Variants in MSRA observed in about 807,000 individuals in gnomAD.
MSRA encodes the protein mitochondrial peptide methionine sulfoxide reductase.
In MSRA, 54 loss-of-function variants were observed where a neutral mutation model predicts 31.3. The observed-to-expected ratio is 1.73, with a 90% CI of 1.39 to 2.17. MSRA has a LOEUF of 2.17. Among genes scored for constraint, MSRA ranks in the 30% most tolerant of loss-of-function variants. The probability of loss-of-function intolerance (pLI) is 0.00; values close to 1 mark genes in which losing one functional copy is unlikely to be tolerated. For missense variants in MSRA, 507 were observed against 300.9 expected (o/e 1.69, Z -5.07); for synonymous variants, 169 against 116.5 (o/e 1.45, Z -2.90).
chr8:10,421,679 G>T (rs928843942), intron 5 of MSRA, among the ~76,000 whole-genome samples: 18 of 152,268 alleles, frequency 1.2e-4, no homozygotes, highest in African/African-American at 4.1e-4. Context: ...GACCTGCTGT[G>T]CCCGGCTGGC....
At chr8:10,249,296 C>G (rs1232918283) in intron 3 of MSRA, among the ~76,000 whole-genome samples, 2 of 152,126 alleles carry the variant, frequency 1.3e-5, no homozygotes, top group African/African-American at 4.8e-5. Flanking sequence ...AGATATATAT[C>G]TCAGTCTATT....
chr8:10,055,901 T>C (rs11994045), intron 1 of MSRA, among the ~76,000 whole-genome samples: 1,537 of 152,304 alleles, frequency 0.01, 19 homozygotes, highest in African/African-American at 0.033. Context: ...GTTTCCTGGT[T>C]TCCCCATCAT....
intron 4 of MSRA, among the ~76,000 whole-genome samples, chr8:10,303,996 C>T (rs114345964): frequency 0.023 from 3,522 of 152,260 alleles, 116 homozygotes; most frequent in African/African-American, 0.068. Flanking sequence ...AGTGCAGTGG[C>T]GTGATCGCGT....
rs146990871 is a variant in MSRA at position 10,308,711 on chromosome 8, C to T, written c.436+7073C>T. Among the ~76,000 whole-genome samples the T allele has an allele frequency of 4.9e-3, 751 of 152,320 alleles. 6 individuals carry two copies. The highest frequency in any genetic ancestry group is 8.2e-3 in the Non-Finnish European group (560 of 68,026). ...ATGCTCACTGTGCTTCAGTTACTGT[C>T]GCCTTCATCTGTTCCATTCCTGGAA... On this transcript the variant is annotated intron_variant, in intron 4 of 5. Coordinates refer to ENST00000317173, the MANE Select transcript of MSRA (RefSeq NM_012331.5).
At chr8:10,404,595 G>T (rs1183575378) in intron 5 of MSRA, among the ~76,000 whole-genome samples, 1 of 152,250 alleles carries the variant, frequency 6.6e-6, no homozygotes, top group East Asian at 1.9e-4. Context: ...AGGTGCGCGG[G>T]CTCTCCATGG....
At chr8:10,323,360 G>T (rs927794961) in intron 5 of MSRA, among the ~76,000 whole-genome samples, 3 of 152,096 alleles carry the variant, frequency 2.0e-5, no homozygotes, top group African/African-American at 7.2e-5. Flanking sequence ...AGTTCTCTAG[G>T]GTACCAAGAG....
chr8:10,428,440 G>C lies in MSRA; in HGVS notation c.*128G>C. 2 of 1,012,460 alleles carry C rather than the reference G, an allele frequency of 2.0e-6. No individual in the cohort carries two copies. The highest frequency in any genetic ancestry group is 3.0e-5 in the South Asian group (2 of 66,496). 62.7% of individuals were successfully genotyped at this position (1,012,460 alleles called of 1,614,324 possible). A position where few individuals can be genotyped will look rare whatever the true frequency, so the allele number is the denominator to read the frequency against. The stretch of plus-strand genomic sequence containing the variant: ...GTACAAAGGAATTTATACAGATTGG[G>C]TTTACCGAAGTATAATCTATAGGAG... On this transcript the variant is annotated 3_prime_UTR_variant, in exon 6 of 6. Coordinates refer to ENST00000317173, the MANE Select transcript of MSRA (RefSeq NM_012331.5).
intron 1 of MSRA, among the ~76,000 whole-genome samples, chr8:10,068,465 C>A (rs1011076274): frequency 2.6e-4 from 40 of 152,192 alleles, no homozygotes; most frequent in African/African-American, 9.4e-4. Flanking sequence ...GCTATGTGAT[C>A]CATTCCAAGT....
chr8:10,250,595 C>G (rs1797863986), intron 3 of MSRA: 5 of 639,340 alleles, frequency 7.8e-6, no homozygotes, highest in Non-Finnish European at 1.4e-5. Context: ...CAACAGAATA[C>G]TCCGGTGGAT....
At chr8:10,348,172 G>C (rs538551888) in intron 5 of MSRA, among the ~76,000 whole-genome samples, 1 of 152,198 alleles carries the variant, frequency 6.6e-6, no homozygotes, top group South Asian at 2.1e-4. Flanking sequence ...TATAGACAGA[G>C]TAGCAGCATA....
chr8:10,209,897 G>A (rs6992349), intron 2 of MSRA, among the ~76,000 whole-genome samples: 51,504 of 152,186 alleles, frequency 0.34, 10,752 homozygotes, highest in African/African-American at 0.59. Context: ...AGATGATAAA[G>A]TAGAATATGT....
chr8:10,231,166 G>A (rs954626509), intron 2 of MSRA, among the ~76,000 whole-genome samples: 13 of 152,256 alleles, frequency 8.5e-5, no homozygotes, highest in African/African-American at 1.7e-4. Context: ...TGAGAAAGGC[G>A]GCAAGGAGGG....
intron 3 of MSRA, among the ~76,000 whole-genome samples, chr8:10,300,164 A>G (rs1800765727): frequency 6.6e-6 from 1 of 151,466 alleles, no homozygotes; most frequent in Non-Finnish European, 1.5e-5. Context: ...GCGTGCATGC[A>G]CACATCTGGT....
intron 1 of MSRA, among the ~76,000 whole-genome samples, chr8:10,154,514 A>G (rs890170227): frequency 1.3e-5 from 2 of 152,028 alleles, no homozygotes; most frequent in Non-Finnish European, 2.9e-5. Context: ...AGTAGCTGGT[A>G]CTACAGGCAC....
intron 1 of MSRA, among the ~76,000 whole-genome samples, chr8:10,149,560 T>C (rs1445533493): frequency 6.6e-6 from 1 of 152,120 alleles, no homozygotes; most frequent in Non-Finnish European, 1.5e-5. Context: ...AATTTCCCCT[T>C]TTTGCAGAGA....
chr8:10,303,254 A>T (rs557730775), intron 4 of MSRA, among the ~76,000 whole-genome samples: 737 of 152,334 alleles, frequency 4.8e-3, no homozygotes, highest in South Asian at 8.1e-3. Context: ...GGCCTGGCAG[A>T]ATTGTAAAGA....
chr8:10,205,098 G>C (rs1010593365), intron 1 of MSRA, among the ~76,000 whole-genome samples: 2 of 152,108 alleles, frequency 1.3e-5, no homozygotes, highest in Non-Finnish European at 2.9e-5. Flanking sequence ...TGTGGCCTGA[G>C]AGTCATGGGA....
intron 1 of MSRA, among the ~76,000 whole-genome samples, chr8:10,205,498 G>A (rs781400649): frequency 1.3e-5 from 2 of 152,114 alleles, no homozygotes; most frequent in African/African-American, 4.8e-5. Flanking sequence ...GTAGTTTTGC[G>A]GTGTTCAGAG....
At chr8:10,408,403 A>C (rs553377786) in intron 5 of MSRA, among the ~76,000 whole-genome samples, 8 of 152,214 alleles carry the variant, frequency 5.3e-5, no homozygotes, top group African/African-American at 1.9e-4. Context: ...TTAGCCAGGC[A>C]TGGTGGCACA....
Sources: allele counts gnomAD v4.1 joint callset (sites outside exome capture counted in the v4.1 genomes callset), GRCh38; gene constraint gnomAD v4.1.1; transcripts MANE v1.5; gene names NCBI Gene and HGNC (gene_info 2026-07-23, HGNC 2026-07-21).